Variants in SARM1 observed in about 807,000 individuals in gnomAD.
SARM1 encodes the protein NAD(+) hydrolase SARM1.
Under a neutral mutation model 65.1 loss-of-function variants are expected in SARM1, and 60 were observed. The observed-to-expected ratio is 0.92, with a 90% CI of 0.75 to 1.14. The LOEUF (loss-of-function observed/expected upper bound fraction) is 1.14. Among genes scored for constraint, SARM1 ranks in the 50% most tolerant of loss-of-function variants. The probability of loss-of-function intolerance (pLI) is 0.00; values close to 1 mark genes in which losing one functional copy is unlikely to be tolerated. For missense variants in SARM1, 913 were observed against 1,015.7 expected (o/e 0.90, Z 1.37); for synonymous variants, 417 against 465.4 (o/e 0.90, Z 1.34).
At position 28,396,235 on chromosome 17, in the gene SARM1, T is replaced by C. The variant is rs2068121687; in HGVS notation, c.2124T>C (p.Ser708=). 1 of 1,613,906 alleles carries C rather than the reference T, an allele frequency of 6.2e-7. No individual in the cohort carries two copies. Among genetic ancestry groups the C allele is most frequent in the Non-Finnish European group, 8.5e-7 (1 of 1,179,888 alleles). The part of the protein sequence containing the change: ...FLQGRSSRDS[S]AGSDTSLEGA... ...AGGGCCGCTCCTCCCGGGACTCATCTGCAGGCTCTGACACCAGTTTGGAGG... is the reference window on the plus strand; with the variant it reads ...AGGGCCGCTCCTCCCGGGACTCATCCGCAGGCTCTGACACCAGTTTGGAGG... The change falls in exon 9 of 9, where the codon TCT becomes TCC. Residue 708 remains serine, a synonymous_variant. Coordinates refer to ENST00000585482, the MANE Select transcript of SARM1 (RefSeq NM_015077.4).
At position 28,396,151 on chromosome 17, in the gene SARM1, C is replaced by T; in HGVS notation, c.2046-6C>T. 1 of 1,613,944 alleles carries T rather than the reference C, an allele frequency of 6.2e-7. No homozygotes were observed. Among genetic ancestry groups the T allele is most frequent in the South Asian group, 1.1e-5 (1 of 91,082 alleles). On this transcript the variant is annotated splice_polypyrimidine_tract_variant and splice_region_variant and intron_variant, in intron 8 of 8. Coordinates refer to ENST00000585482, the MANE Select transcript of SARM1 (RefSeq NM_015077.4). Reference sequence around the variant, plus strand: ...GTCTGAACCACATTGGCTCCTGTGCCCACAGGTGGTCCCACGAATACCAGG... The same window carrying T: ...GTCTGAACCACATTGGCTCCTGTGCTCACAGGTGGTCCCACGAATACCAGG...
intron 7 of SARM1, among the ~76,000 whole-genome samples, chr17:28,393,562 CA>C (rs1358169636): frequency 0.014 from 1,893 of 133,248 alleles, 19 homozygotes; most frequent in African/African-American, 0.041. Flanking sequence ...TGCCCCCCGC[CA>C]AAAAAAAAAA....
At chr17:28,391,728 AG>A (rs1432339834) in intron 7 of SARM1, among the ~76,000 whole-genome samples, 1 of 34,600 alleles carries the variant, frequency 2.9e-5, no homozygotes. Flanking sequence ...AAAAAAAAAA[AG>A]AGAGAGAGAG....
Position 28,403,004 on chromosome 17 carries a change from A to G in SARM1, c.*6718A>G, listed in dbSNP as rs2068215782. On this transcript the variant is annotated 3_prime_UTR_variant, in exon 9 of 9. Coordinates refer to ENST00000585482, the MANE Select transcript of SARM1 (RefSeq NM_015077.4). ...CCGACAGAATTGAGAAGGCACAAAG[A>G]GGAGGAGAGTCAATGTGAGCACAGA... The G allele has an allele frequency of 6.6e-6, 1 of 152,274 alleles. No homozygotes were observed. Among genetic ancestry groups the G allele is most frequent in the South Asian group, 2.1e-4 (1 of 4,838 alleles). The allele number at this position is 152,274 out of a possible 1,614,324, so 9.4% of individuals were successfully genotyped here. A position where few individuals can be genotyped will look rare whatever the true frequency, so the allele number is the denominator to read the frequency against.
At position 28,385,227 on chromosome 17, in the gene SARM1, G is replaced by C. The variant is rs782485432; in HGVS notation, c.1582G>C (p.Gly528Arg). Residue 528 changes from glycine (G) to arginine (R), a missense_variant, in exon 5 of 9, where the codon GGC becomes CGC. Physicochemically the swap from Gly to Arg is moderately radical, Grantham distance 125 (BLOSUM62 -2). This residue lies in a region of SARM1 where 862 missense variants were observed against 952.1 expected (regional missense o/e 0.91). Coordinates refer to ENST00000585482, the MANE Select transcript of SARM1 (RefSeq NM_015077.4). This position sits in a 1 kb window ranked among gnomAD's most constrained non-coding sequence, Gnocchi z 4.5. ...VSEQQLLEDCGIHLGVHRARI... is the reference protein window; with the variant it reads ...VSEQQLLEDCRIHLGVHRARI... ...TGAGCAGCAGCTGCTGGAAGACTGC[G>C]GCATCCACCTGGGCGTGCACCGCGC... The C allele has an allele frequency of 5.0e-6, 8 of 1,593,218 alleles. No individual in the cohort carries two copies. In the African/African-American group the frequency reaches 1.1e-4, roughly 21 times the overall value.
intron 1 of SARM1, among the ~76,000 whole-genome samples, chr17:28,377,788 C>T (rs1555584772): frequency 6.6e-6 from 1 of 152,190 alleles, no homozygotes; most frequent in African/African-American, 2.4e-5. Flanking sequence ...ACCTCTGCCT[C>T]CTGGGTTCAA....
In SARM1 at chr17:28,372,221, C is replaced by T; in HGVS notation, c.189C>T (p.Asp63=). The T allele has an allele frequency of 1.4e-6, 2 of 1,380,144 alleles. No individual in the cohort carries two copies. The highest frequency in any genetic ancestry group is 1.9e-6 in the Non-Finnish European group (2 of 1,076,462). 85.5% of individuals were successfully genotyped at this position (1,380,144 alleles called of 1,614,324 possible). The change falls in exon 1 of 9, where the codon GAC becomes GAT. Residue 63 remains aspartate (D), a synonymous_variant. Transcript: ENST00000585482. This position sits in a 1 kb window ranked among gnomAD's most constrained non-coding sequence, Gnocchi z 5.2. ...VSPGAGTEVQ[D]ALERALPELQ... ...CGGGGGCAGGCACCGAGGTGCAGGA[C>T]GCCCTGGAGCGCGCGCTGCCGGAGC...
intron 5 of SARM1, among the ~76,000 whole-genome samples, chr17:28,386,054 G>A (rs555452602): frequency 1.3e-5 from 2 of 152,306 alleles, no homozygotes; most frequent in African/African-American, 4.8e-5. Context: ...AGGACTTTGG[G>A]AGGCCAAGGC....
In SARM1 at chr17:28,372,645, T is replaced by G. The variant is rs761846862; in HGVS notation, c.470+143T>G. ...TACATCTCTGTTAGGGGTCAGCCTG[T>G]CTGTTTCACAGATAAGGAAACTGAG... is the stretch of plus-strand genomic sequence containing the variant. On this transcript the variant is annotated intron_variant, in intron 1 of 8. Coordinates refer to ENST00000585482, the MANE Select transcript of SARM1 (RefSeq NM_015077.4). The surrounding 1 kb of genome is among the most constrained non-coding windows in gnomAD (Gnocchi z 5.2). 8.2e-4 allele frequency: 521 copies of G among 632,510 alleles called. No individual in the cohort carries two copies. Among genetic ancestry groups the G allele is most frequent in the Non-Finnish European group, 1.2e-3 (457 of 386,062 alleles). The allele number at this position is 632,510 out of a possible 1,614,324, so 39.2% of individuals were successfully genotyped here.
At chr17:28,380,523 C>T (rs543377586) in intron 1 of SARM1, among the ~76,000 whole-genome samples, 2 of 152,340 alleles carry the variant, frequency 1.3e-5, no homozygotes, top group Non-Finnish European at 2.9e-5. Flanking sequence ...CCTCCATCGC[C>T]CTGAGGATAA....
Position 28,399,928 on chromosome 17 carries a change from C to G in SARM1, c.*3642C>G. On this transcript the variant is annotated 3_prime_UTR_variant, in exon 9 of 9. Transcript: ENST00000585482. ...TTTTTTTAAGAGACAGGGTCTTGCT[C>G]TGTTGTCCAGGCTGGAGGGCAGTGA... is the stretch of plus-strand genomic sequence containing the variant. 3.6e-6 allele frequency: 2 copies of G among 550,556 alleles called. No individual in the cohort carries two copies. The highest frequency in any genetic ancestry group is 6.5e-6 in the Non-Finnish European group (2 of 305,918). 34.1% of individuals were successfully genotyped at this position (550,556 alleles called of 1,614,324 possible).
At chr17:28,376,076 G>C (rs960102440) in intron 1 of SARM1, among the ~76,000 whole-genome samples, 9 of 152,180 alleles carry the variant, frequency 5.9e-5, no homozygotes, top group Non-Finnish European at 1.2e-4. Flanking sequence ...GACCACAGAA[G>C]AACTGGGAGC....
intron 1 of SARM1, among the ~76,000 whole-genome samples, chr17:28,380,293 T>C (rs1243714923): frequency 6.6e-6 from 1 of 152,204 alleles, no homozygotes; most frequent in Non-Finnish European, 1.5e-5. Flanking sequence ...CTCAAACACG[T>C]CAGCTCCTCT....
At chr17:28,388,798 T>C (rs1555586505) in intron 7 of SARM1, among the ~76,000 whole-genome samples, 2 of 145,858 alleles carry the variant, frequency 1.4e-5, no homozygotes, top group African/African-American at 5.2e-5. Flanking sequence ...TGAGGTAGAG[T>C]CTCGCTCTGT....
At position 28,401,969 on chromosome 17, in the gene SARM1, G is replaced by C; in HGVS notation, c.*5683G>C. 3.2e-6 allele frequency: 1 copy of C among 313,004 alleles called. No individual in the cohort carries two copies. The highest frequency in any genetic ancestry group is 7.7e-5 in the South Asian group (1 of 13,048). 19.4% of individuals were successfully genotyped at this position (313,004 alleles called of 1,614,324 possible). On this transcript the variant is annotated 3_prime_UTR_variant, in exon 9 of 9. Transcript: ENST00000585482. Reference sequence around the variant, plus strand: ...ACAGACGGAAAAGCTGAGGTCTGCAGAGAGTAAATCCTCTGCTCTGGTTAT... The same window carrying C: ...ACAGACGGAAAAGCTGAGGTCTGCACAGAGTAAATCCTCTGCTCTGGTTAT...
intron 2 of SARM1, among the ~76,000 whole-genome samples, chr17:28,382,426 G>C (rs2269741): frequency 6.6e-6 from 1 of 151,916 alleles, no homozygotes; most frequent in Non-Finnish European, 1.5e-5. Flanking sequence ...GTAGCCTTTT[G>C]AGTCTGGAGT....
chr17:28,371,729 G>A lies in SARM1; in HGVS notation c.-304G>A, dbSNP rs2067954569. ...TCAGCCGAGCCCGTGCCCAGGCCACGCTTTGTTCCAGCCGCCGCCTCCTCT... is the reference window on the plus strand; with the variant it reads ...TCAGCCGAGCCCGTGCCCAGGCCACACTTTGTTCCAGCCGCCGCCTCCTCT... On this transcript the variant is annotated 5_prime_UTR_variant, in exon 1 of 9. Transcript: ENST00000585482. The A allele has an allele frequency of 3.5e-6, 1 of 286,950 alleles. No individual in the cohort carries two copies. Among genetic ancestry groups the A allele is most frequent in the Non-Finnish European group, 6.5e-6 (1 of 154,174 alleles). 17.8% of individuals were successfully genotyped at this position (286,950 alleles called of 1,614,324 possible). A position where few individuals can be genotyped will look rare whatever the true frequency, so the allele number is the denominator to read the frequency against.
intron 5 of SARM1, among the ~76,000 whole-genome samples, chr17:28,386,151 A>T (rs1202666231): frequency 6.6e-6 from 1 of 152,098 alleles, no homozygotes; most frequent in Non-Finnish European, 1.5e-5. Context: ...AAAAAATACA[A>T]AAAATTAGCT....
In SARM1 at chr17:28,388,227, C is replaced by T. The variant is rs2068062399; in HGVS notation, c.1684C>T (p.Pro562Ser). 2 of 1,551,044 alleles carry T rather than the reference C, an allele frequency of 1.3e-6. No homozygotes were observed. Among genetic ancestry groups the T allele is most frequent in the East Asian group, 4.9e-5 (2 of 40,988 alleles). Residue 562 changes from proline to serine, a missense_variant, in exon 6 of 9, where the codon CCA becomes TCA. Coordinates refer to ENST00000585482, the MANE Select transcript of SARM1 (RefSeq NM_015077.4). ...CTGGKPSGDTPDVFISYRRNS... is the reference protein window; with the variant it reads ...CTGGKPSGDTSDVFISYRRNS... ...TGGTGGCAAACCCAGTGGGGACACT[C>T]CAGATGTCTTCATCAGCTACCGCCG...
Sources: gnomAD v4.1 joint callset for allele counts (sites outside exome capture counted in the v4.1 genomes callset) on GRCh38, gnomAD v4.1.1 for gene constraint, gnomAD v4.1.1 regional missense constraint, Gnocchi (gnomAD v3.1) non-coding constraint, MANE v1.5 for transcripts, NCBI Gene and HGNC (gene_info 2026-07-23, HGNC 2026-07-21) for gene names.